CDKAL1: variants seen among roughly 807,000 people sequenced by gnomAD.
The protein encoded by CDKAL1 is threonylcarbamoyladenosine tRNA methylthiotransferase.
Under a neutral mutation model 68.2 loss-of-function variants are expected in CDKAL1, and 32 were observed. The observed-to-expected ratio is 0.47, with a 90% CI of 0.35 to 0.63. The LOEUF is 0.63. Among genes scored for constraint, CDKAL1 ranks in the 30% least tolerant of loss-of-function variants. The probability of loss-of-function intolerance (pLI) is 0.00; values close to 1 mark genes in which losing one functional copy is unlikely to be tolerated. For missense variants in CDKAL1, 606 were observed against 696.7 expected, an observed-to-expected ratio of 0.87 and a Z score of 1.47; for synonymous variants, 234 against 244.3, an observed-to-expected ratio of 0.96 and a Z score of 0.39.
At chr6:20,599,313 G>A in intron 4 of CDKAL1, 1 of 447,488 alleles carries the variant, frequency 2.2e-6, no homozygotes, top group Non-Finnish European at 4.5e-6. Context: ...AAAGAATAAA[G>A]TTGCATTATT....
At chr6:21,176,332 C>T (rs542490455) in intron 13 of CDKAL1, among the ~76,000 whole-genome samples, 34 of 152,270 alleles carry the variant, frequency 2.2e-4, no homozygotes, top group Non-Finnish European at 4.1e-4. Context: ...ATTGTTTATG[C>T]GTGTTTAATG....
At chr6:21,159,227 A>G (rs961417816) in intron 13 of CDKAL1, among the ~76,000 whole-genome samples, 1 of 152,034 alleles carries the variant, frequency 6.6e-6, no homozygotes, top group African/African-American at 2.4e-5. Flanking sequence ...TCCAGGATGG[A>G]ATACAACTTA....
intron 11 of CDKAL1, among the ~76,000 whole-genome samples, chr6:21,052,049 C>A (rs943780172): frequency 6.6e-6 from 1 of 152,118 alleles, no homozygotes; most frequent in Non-Finnish European, 1.5e-5. Flanking sequence ...GGCTTTTCAG[C>A]CCTCATCTAA....
intron 11 of CDKAL1, among the ~76,000 whole-genome samples, chr6:21,009,944 T>C (rs1371396122): frequency 6.6e-6 from 1 of 152,192 alleles, no homozygotes. Flanking sequence ...AGAGTGACTA[T>C]AATTAACAAC....
chr6:21,188,389 C>T (rs758915179), intron 13 of CDKAL1, among the ~76,000 whole-genome samples: 15 of 152,146 alleles, frequency 9.9e-5, no homozygotes, highest in Non-Finnish European at 1.6e-4. Flanking sequence ...TTAAGATGCA[C>T]AACCTACTTT....
Position 21,168,444 on chromosome 6 carries a change from A to G in CDKAL1, c.1300-29577A>G, listed in dbSNP as rs1359657359. On this transcript the variant is annotated intron_variant, in intron 13 of 15. Transcript: ENST00000274695. The stretch of plus-strand genomic sequence containing the variant: ...ACATATGGAAGCTACAGAGAGATTA[A>G]TTTTTATTCACTAGTGGGAAGACCC... 3.3e-5 allele frequency among the ~76,000 whole-genome samples: 5 copies of G among 152,220 alleles called. No individual in the cohort carries two copies. The East Asian group carries it at 7.7e-4, about 23-fold the overall frequency.
intron 10 of CDKAL1, among the ~76,000 whole-genome samples, chr6:20,970,435 T>A (rs1257209016): frequency 6.6e-6 from 1 of 152,230 alleles, no homozygotes; most frequent in Non-Finnish European, 1.5e-5. Flanking sequence ...TTGTCAGTGT[T>A]CTCATTGTTT....
intron 10 of CDKAL1, among the ~76,000 whole-genome samples, chr6:20,957,428 A>C (rs1268204071): frequency 6.6e-6 from 1 of 152,254 alleles, no homozygotes; most frequent in Non-Finnish European, 1.5e-5. Flanking sequence ...TCTAAAAATC[A>C]ACAAAAGATC....
rs981133321 is a variant in CDKAL1 at position 20,972,210 on chromosome 6, A to G, written c.909+16625A>G. Among the ~76,000 whole-genome samples the G allele has an allele frequency of 2.0e-5, 3 of 152,298 alleles. No individual in the cohort carries two copies. The South Asian group carries it at 6.2e-4, about 32-fold the overall frequency. On this transcript the variant is annotated intron_variant, in intron 10 of 15. Transcript: ENST00000274695. The stretch of plus-strand genomic sequence containing the variant: ...AGTGAAATTTACAGAAAATCATATC[A>G]CAAGATCTCTCTATTGCCAAAAATG...
chr6:20,750,691 T>C (rs1405637738), intron 6 of CDKAL1, among the ~76,000 whole-genome samples: 1 of 151,980 alleles, frequency 6.6e-6, no homozygotes, highest in South Asian at 2.1e-4. Flanking sequence ...CAGCCAGGCG[T>C]GGTGACTCAT....
intron 9 of CDKAL1, among the ~76,000 whole-genome samples, chr6:20,901,082 T>G (rs914285505): frequency 4.6e-5 from 7 of 152,114 alleles, no homozygotes; most frequent in Non-Finnish European, 7.3e-5. Flanking sequence ...ATTGTCTCAC[T>G]GGTGCTTGCT....
At chr6:21,053,676 G>A (rs1254675487) in intron 11 of CDKAL1, among the ~76,000 whole-genome samples, 6 of 151,814 alleles carry the variant, frequency 4.0e-5, no homozygotes, top group Non-Finnish European at 8.8e-5. Flanking sequence ...TACTGGATGT[G>A]TGGCATTTTA....
chr6:21,027,442 G>A (rs567551740), intron 11 of CDKAL1, among the ~76,000 whole-genome samples: 9 of 152,172 alleles, frequency 5.9e-5, no homozygotes, highest in Non-Finnish European at 1.2e-4. Flanking sequence ...GTGGATTGAA[G>A]TAGATTCTAA....
At chr6:20,927,673 C>A (rs1233376307) in intron 9 of CDKAL1, among the ~76,000 whole-genome samples, 2 of 152,098 alleles carry the variant, frequency 1.3e-5, no homozygotes, top group Non-Finnish European at 2.9e-5. Flanking sequence ...GAAACGTTTT[C>A]TAAAACAGGA....
chr6:21,210,341 G>A (rs1405034958), intron 15 of CDKAL1, among the ~76,000 whole-genome samples: 1 of 152,144 alleles, frequency 6.6e-6, no homozygotes, highest in African/African-American at 2.4e-5. Context: ...TTTGGGAGGT[G>A]GTTAGGTCAT....
intron 9 of CDKAL1, among the ~76,000 whole-genome samples, chr6:20,925,747 A>G (rs981394016): frequency 6.6e-6 from 1 of 152,182 alleles, no homozygotes; most frequent in East Asian, 1.9e-4. Context: ...ATGATAACAC[A>G]TAGGAAGATA....
At chr6:21,051,467 G>C (rs1430006468) in intron 11 of CDKAL1, among the ~76,000 whole-genome samples, 1 of 152,210 alleles carries the variant, frequency 6.6e-6, no homozygotes, top group African/African-American at 2.4e-5. Context: ...AGTGACATAG[G>C]TAAGAGATAA....
At chr6:20,953,627 T>C (rs920787083) in intron 9 of CDKAL1, among the ~76,000 whole-genome samples, 4 of 152,164 alleles carry the variant, frequency 2.6e-5, no homozygotes, top group Non-Finnish European at 5.9e-5. Flanking sequence ...ATGGCAGATA[T>C]AATATTAAAG....
intron 8 of CDKAL1, among the ~76,000 whole-genome samples, chr6:20,820,059 C>G (rs965709967): frequency 6.6e-6 from 1 of 152,110 alleles, no homozygotes; most frequent in Non-Finnish European, 1.5e-5. Context: ...GTGTAACCTA[C>G]CAAGGGGGCC....
Sources: gnomAD v4.1 joint callset for allele counts (sites outside exome capture counted in the v4.1 genomes callset) on GRCh38, gnomAD v4.1.1 for gene constraint, MANE v1.5 for transcripts, NCBI Gene and HGNC (gene_info 2026-07-23, HGNC 2026-07-21) for gene names.